RABEP1: variants seen among roughly 807,000 people sequenced by gnomAD.
The protein encoded by RABEP1 is rab GTPase-binding effector protein 1.
RABEP1 carries 51 observed loss-of-function variants against 123.4 expected under a neutral mutation model. The observed-to-expected ratio is 0.41, with a 90% CI of 0.33 to 0.52. RABEP1 has a LOEUF of 0.52. Among genes scored for constraint, RABEP1 ranks in the 20% least tolerant of loss-of-function variants. RABEP1 has a pLI of 0.16. For missense variants in RABEP1, 888 were observed against 996.3 expected (o/e 0.89, Z 1.46); for synonymous variants, 347 against 355.2 (o/e 0.98, Z 0.26).
At chr17:5,368,520 T>C in intron 12 of RABEP1, 52 bp downstream of exon 12, 1 of 1,287,388 alleles carries the variant, frequency 7.8e-7, no homozygotes, top group Non-Finnish European at 1.1e-6. Flanking sequence ...TATTCCTTTT[T>C]TGTTCTATCT....
intron 2 of RABEP1, among the ~76,000 whole-genome samples, chr17:5,326,698 G>C (rs1906003276): frequency 6.6e-6 from 1 of 152,152 alleles, no homozygotes; most frequent in Non-Finnish European, 1.5e-5. Flanking sequence ...CTGTGGTACA[G>C]GGTGCCTGTA....
chr17:5,320,463 T>C (rs1183376271), intron 2 of RABEP1, among the ~76,000 whole-genome samples: 1 of 119,966 alleles, frequency 8.3e-6, no homozygotes, highest in Non-Finnish European at 1.8e-5. Flanking sequence ...AACACACTGG[T>C]AAAATTAAGT....
intron 8 of RABEP1, among the ~76,000 whole-genome samples, chr17:5,359,362 C>T (rs915240367): frequency 5.9e-5 from 9 of 152,204 alleles, no homozygotes; most frequent in Admixed American, 1.3e-4. Context: ...GTGTGAGCCA[C>T]TGCGCCCAGC....
chr17:5,317,889 C>T (rs1817994213), intron 2 of RABEP1, among the ~76,000 whole-genome samples: 1 of 152,070 alleles, frequency 6.6e-6, no homozygotes, highest in Non-Finnish European at 1.5e-5. Flanking sequence ...TTAATCATGT[C>T]CATGTAATAA....
At chr17:5,365,009 T>G in intron 10 of RABEP1, 113 bp from the exon 11 acceptor site, 4 of 662,458 alleles carry the variant, frequency 6.0e-6, no homozygotes, top group Non-Finnish European at 1.0e-5. Context: ...ATCTGTGGTG[T>G]TTCCCAGAAA....
chr17:5,330,923 C>G (rs1336546392), intron 2 of RABEP1, among the ~76,000 whole-genome samples: 3 of 150,446 alleles, frequency 2.0e-5, no homozygotes, highest in Non-Finnish European at 1.5e-5. Context: ...ACTCAGGAGG[C>G]TGAGGTGGGG....
At chr17:5,367,434 G>C (rs973177753) in intron 11 of RABEP1, among the ~76,000 whole-genome samples, 1 of 150,954 alleles carries the variant, frequency 6.6e-6, no homozygotes, top group Admixed American at 6.6e-5. Flanking sequence ...ACCACGCCCG[G>C]CTAATTTTTT....
At chr17:5,288,650 C>G (rs972818715) in intron 1 of RABEP1, among the ~76,000 whole-genome samples, 3 of 152,172 alleles carry the variant, frequency 2.0e-5, no homozygotes, top group Non-Finnish European at 2.9e-5. Context: ...CCGCCTTGGC[C>G]TCCCAAAGTG....
At chr17:5,346,197 C>G (rs1301742601) in intron 5 of RABEP1, among the ~76,000 whole-genome samples, 3 of 152,186 alleles carry the variant, frequency 2.0e-5, no homozygotes, top group Non-Finnish European at 4.4e-5. Flanking sequence ...AGCCACCACA[C>G]CTGGGCAAGA....
intron 16 of RABEP1, 70 bp from the exon 17 acceptor site, chr17:5,381,319 C>G (rs1381333189): frequency 1.9e-6 from 3 of 1,568,796 alleles, no homozygotes; most frequent in Non-Finnish European, 2.6e-6. Flanking sequence ...TAGGTAACTA[C>G]AAGTTACTGG....
intron 1 of RABEP1, among the ~76,000 whole-genome samples, chr17:5,308,046 A>G (rs2075196735): frequency 6.6e-6 from 1 of 152,190 alleles, no homozygotes; most frequent in South Asian, 2.1e-4. Flanking sequence ...CATTTGTGGG[A>G]TAAGTAGTTC....
intron 1 of RABEP1, among the ~76,000 whole-genome samples, chr17:5,292,633 C>G (rs1327855527): frequency 1.3e-5 from 2 of 152,166 alleles, no homozygotes; most frequent in African/African-American, 4.8e-5. Context: ...ATCCACCCAC[C>G]TTGGCCTCCC....
intron 13 of RABEP1, among the ~76,000 whole-genome samples, chr17:5,376,821 A>G (rs1254946150): frequency 2.0e-5 from 3 of 152,208 alleles, no homozygotes; most frequent in Admixed American, 6.5e-5. Flanking sequence ...TATTATTTCT[A>G]TTGAATGGCA....
chr17:5,380,532 GA>G (rs757270585), intron 16 of RABEP1, 70 bp downstream of exon 16: 283 of 1,248,850 alleles, frequency 2.3e-4, no homozygotes, highest in Admixed American at 6.0e-4. Flanking sequence ...CTTGCTTGTT[GA>G]AAAAAAAATA....
chr17:5,371,629 T>C (rs1164418438), intron 12 of RABEP1: 1 of 152,254 alleles, frequency 6.6e-6, no homozygotes, highest in African/African-American at 2.4e-5. Flanking sequence ...CCAGAGCATA[T>C]GCATGGCCGT....
intron 1 of RABEP1, among the ~76,000 whole-genome samples, chr17:5,291,776 G>T (rs1454320279): frequency 1.3e-5 from 2 of 152,084 alleles, no homozygotes; most frequent in Non-Finnish European, 2.9e-5. Flanking sequence ...GATGGTGTGC[G>T]CCTGTAATCC....
At chr17:5,380,261 C>G in intron 15 of RABEP1, 103 bp from the exon 16 acceptor site, 1 of 705,692 alleles carries the variant, frequency 1.4e-6, no homozygotes, top group Admixed American at 2.9e-5. Flanking sequence ...CCCAGTGTAG[C>G]CCGAGTGTCT....
At chr17:5,357,079 T>C (rs561605013) in intron 8 of RABEP1, among the ~76,000 whole-genome samples, 6 of 152,208 alleles carry the variant, frequency 3.9e-5, no homozygotes, top group Non-Finnish European at 5.9e-5. Context: ...GGTTTCACCA[T>C]GTTGGCCAGG....
intron 8 of RABEP1, among the ~76,000 whole-genome samples, chr17:5,360,684 T>A (rs181344511): frequency 2.6e-5 from 4 of 152,352 alleles, no homozygotes; most frequent in African/African-American, 9.6e-5. Flanking sequence ...GCCTACACAC[T>A]CATCCTACGT....
Sources: gnomAD v4.1 joint callset for allele counts (sites outside exome capture counted in the v4.1 genomes callset) on GRCh38, gnomAD v4.1.1 for gene constraint, MANE v1.5 for transcripts, NCBI Gene and HGNC (gene_info 2026-07-23, HGNC 2026-07-21) for gene names.